Variants in SEC13 observed in about 807,000 individuals in gnomAD.
SEC13 encodes the protein protein SEC13 homolog.
A neutral mutation model predicts 49.2 loss-of-function variants in SEC13; 25 were observed. That is an observed-to-expected ratio of 0.51 (90% CI 0.37 to 0.71). The LOEUF is 0.71. Among genes scored for constraint, SEC13 ranks in the 30% least tolerant of loss-of-function variants. SEC13 has a pLI of 0.00. For synonymous variants in SEC13, 148 were observed against 163.9 expected (o/e 0.90, Z 0.74); for missense variants, 383 against 417.6 (o/e 0.92, Z 0.72).
intron 5 of SEC13, among the ~76,000 whole-genome samples, chr3:10,308,814 T>A (rs561420544): frequency 0.01 from 975 of 96,770 alleles, 13 homozygotes; most frequent in South Asian, 0.075. Context: ...TTTTTTTTTT[T>A]AGAGACGGGG....
At chr3:10,305,527 C>T in intron 6 of SEC13, 32 bp downstream of exon 6, 1 of 1,610,388 alleles carries the variant, frequency 6.2e-7, no homozygotes, top group East Asian at 2.2e-5. Flanking sequence ...AGAAGTGTCC[C>T]CTCAAAGAGA....
chr3:10,315,079 G>T, intron 3 of SEC13: 1 of 431,874 alleles, frequency 2.3e-6, no homozygotes, highest in Non-Finnish European at 4.2e-6. Flanking sequence ...GTCTTCTGGT[G>T]GGTACACATA....
chr3:10,301,468 C>A (rs2125235927), intron 8 of SEC13, 94 bp from the exon 9 acceptor site: 1 of 1,508,830 alleles, frequency 6.6e-7, no homozygotes, highest in Non-Finnish European at 9.0e-7. Context: ...AGAACCACTG[C>A]CCAGAGGCTT....
At chr3:10,316,175 G>A (rs1574889923) in intron 2 of SEC13, among the ~76,000 whole-genome samples, 1 of 152,104 alleles carries the variant, frequency 6.6e-6, no homozygotes, top group Non-Finnish European at 1.5e-5. Flanking sequence ...ATCCTTGTCC[G>A]CAGGGTGATG....
At chr3:10,311,271 A>C (rs1041231568) in intron 5 of SEC13, among the ~76,000 whole-genome samples, 1 of 152,228 alleles carries the variant, frequency 6.6e-6, no homozygotes, top group African/African-American at 2.4e-5. Flanking sequence ...CTAAGCTGCC[A>C]GGACAGGCTC....
In SEC13 at chr3:10,305,144, G is replaced by T. The variant is rs752161884; in HGVS notation, c.597C>A (p.Asp199Glu). ...NLIKLWKEEE[D>E]GQWKEEQKLE... The stretch of plus-strand genomic sequence containing the variant: ...GCTTCTGCTCCTCCTTCCACTGGCC[G>T]TCCTCCTCCTCCCTAACAGTGGGGA... The change falls in exon 7 of 9, where the codon GAC becomes GAA. Residue 199 changes from aspartate to glutamate, a missense_variant. By Grantham distance (45) the Asp-to-Glu change is conservative. Coordinates refer to ENST00000350697, the MANE Select transcript of SEC13 (RefSeq NM_183352.3). The T allele has an allele frequency of 2.5e-6, 4 of 1,612,202 alleles. No individual in the cohort carries two copies. In the Admixed American group the frequency reaches 6.7e-5, roughly 27 times the overall value.
chr3:10,321,098 G>T lies in SEC13; in HGVS notation c.-46C>A. 6.2e-7 allele frequency: 1 copy of T among 1,612,224 alleles called. No individual in the cohort carries two copies. The highest frequency in any genetic ancestry group is 8.5e-7 in the Non-Finnish European group (1 of 1,179,514). ...CAGGTCTCGGACGTGGCAGCTCCCGGCGGCGCCTCGGAACAGCTCACTTCC... is the reference window on the plus strand; with the variant it reads ...CAGGTCTCGGACGTGGCAGCTCCCGTCGGCGCCTCGGAACAGCTCACTTCC... On this transcript the variant is annotated 5_prime_UTR_variant, in exon 1 of 9. Coordinates refer to ENST00000350697, the MANE Select transcript of SEC13 (RefSeq NM_183352.3). The surrounding 1 kb of genome is among the most constrained non-coding windows in gnomAD (Gnocchi z 4.1).
In SEC13 at chr3:10,305,682, T is replaced by C. The variant is rs116254275; in HGVS notation, c.461A>G (p.Asn154Ser). The C allele has an allele frequency of 1.9e-5, 31 of 1,614,104 alleles. No homozygotes were observed. The highest frequency in any genetic ancestry group is 1.6e-4 in the East Asian group (7 of 44,902). ...AACAGCAGGGGCCCAGCTGACGGCA[T>C]TGCAGCCAATCTGTAAAGATGGGAC... ...KINNAHTIGC[N>S]AVSWAPAVVP... Residue 154 changes from asparagine (N) to serine (S), a missense_variant, in exon 6 of 9, where the codon AAT (asparagine) becomes AGT (serine). Coordinates refer to ENST00000350697, the MANE Select transcript of SEC13 (RefSeq NM_183352.3).
At chr3:10,317,981 C>T in intron 2 of SEC13, 69 bp downstream of exon 2, 2 of 1,106,890 alleles carry the variant, frequency 1.8e-6, no homozygotes, top group Non-Finnish European at 2.7e-6. Context: ...ATGAAAACCC[C>T]AAATTGCTTC....
intron 1 of SEC13, chr3:10,320,446 T>C: frequency 1.1e-6 from 1 of 894,264 alleles, no homozygotes; most frequent in Non-Finnish European, 1.3e-6. Flanking sequence ...TAAAAAACCC[T>C]GAGCCCCTGC....
chr3:10,308,891 A>C (rs1266147296), intron 5 of SEC13, among the ~76,000 whole-genome samples: 1 of 148,446 alleles, frequency 6.7e-6, no homozygotes, highest in Non-Finnish European at 1.5e-5. Context: ...TCGATCTCCC[A>C]AAGTGCTAGG....
chr3:10,311,704 G>C (rs1701267723), intron 5 of SEC13: 5 of 1,352,908 alleles, frequency 3.7e-6, no homozygotes, highest in Non-Finnish European at 4.8e-6. Flanking sequence ...CCATAGCTAA[G>C]GTGGCAGTGA....
At chr3:10,307,092 CCCAG>C (rs1700925749) in intron 5 of SEC13, among the ~76,000 whole-genome samples, 2 of 152,056 alleles carry the variant, frequency 1.3e-5, no homozygotes, top group African/African-American at 4.8e-5. Context: ...CTCACTGTCA[CCCAG>C]GCTAGAGTGC....
chr3:10,312,689 A>G lies in SEC13; in HGVS notation c.206T>C (p.Met69Thr), dbSNP rs753858804. ...PVWQVAWAHPMYGNILASCSY... is the reference protein window; with the variant it reads ...PVWQVAWAHPTYGNILASCSY... ...GCACGATGCCAGGATGTTGCCGTAC[A>G]TGGGGTGAGCCCAGGCCACTTGCCA... Residue 69 changes from methionine to threonine, a missense_variant, in exon 4 of 9, where the codon ATG becomes ACG. Physicochemically the swap from Met to Thr is moderately conservative, Grantham distance 81. Transcript: ENST00000350697. 4.3e-6 allele frequency: 7 copies of G among 1,614,088 alleles called. No homozygotes were observed. In the East Asian group the frequency reaches 6.7e-5, roughly 15 times the overall value.
At chr3:10,320,999 G>A (rs1270728667) in intron 1 of SEC13, 51 bp downstream of exon 1, 1 of 1,606,660 alleles carries the variant, frequency 6.2e-7, no homozygotes, top group African/African-American at 1.3e-5. Flanking sequence ...ACCCGTGAAG[G>A]CCGCGACCGT....
rs976589255 is a variant in SEC13 at position 10,301,195 on chromosome 3, G to C, written c.*66C>G. On this transcript the variant is annotated 3_prime_UTR_variant, in exon 9 of 9. Coordinates refer to ENST00000350697, the MANE Select transcript of SEC13 (RefSeq NM_183352.3). ...GTTGGGGGCTCTTCCCAGTTGTCTG[G>C]TTAGTTGGCCCAGGAAGGGGCAGTC... The C allele has an allele frequency of 6.2e-7, 1 of 1,613,936 alleles. No homozygotes were observed. Among genetic ancestry groups the C allele is most frequent in the African/African-American group, 1.3e-5 (1 of 74,896 alleles).
rs763027710 is a variant in SEC13, at chr3:10,305,178, G to GA, written c.585-23dup. The GA allele has an allele frequency of 1.1e-5, 18 of 1,596,110 alleles. No homozygotes were observed. In the Admixed American group the frequency reaches 3.1e-4, roughly 27 times the overall value. On this transcript the variant is annotated intron_variant, in intron 6 of 8. Transcript: ENST00000350697. ...CTCCCTAACAGTGGGGACAGAAAGAGAATCAGCAGGGGGCCGTTCCCACAC... is the reference window on the plus strand; with the variant it reads ...CTCCCTAACAGTGGGGACAGAAAGAGAAATCAGCAGGGGGCCGTTCCCACAC...
At chr3:10,308,454 A>G (rs1158333375) in intron 5 of SEC13, among the ~76,000 whole-genome samples, 1 of 152,178 alleles carries the variant, frequency 6.6e-6, no homozygotes, top group African/African-American at 2.4e-5. Context: ...TGGATATATC[A>G]CAACTTATCA....
At chr3:10,308,900 G>C (rs766621014) in intron 5 of SEC13, among the ~76,000 whole-genome samples, 8 of 146,224 alleles carry the variant, frequency 5.5e-5, no homozygotes, top group Non-Finnish European at 1.0e-4. Flanking sequence ...CAAAGTGCTA[G>C]GATTACAGGC....
Sources: gnomAD v4.1 joint callset for allele counts (sites outside exome capture counted in the v4.1 genomes callset) on GRCh38, gnomAD v4.1.1 for gene constraint, Gnocchi (gnomAD v3.1) non-coding constraint, MANE v1.5 for transcripts, NCBI Gene and HGNC (gene_info 2026-07-23, HGNC 2026-07-21) for gene names.